KCNT2: variants seen among roughly 807,000 people sequenced by gnomAD.
The protein encoded by KCNT2 is potassium channel subfamily T member 2.
In KCNT2, 67 loss-of-function variants were observed where a neutral mutation model predicts 153.8. The ratio of observed to expected loss-of-function variants is 0.44; its 90% CI spans 0.36 to 0.53. The LOEUF is 0.53. Among genes scored for constraint, KCNT2 ranks in the 20% least tolerant of loss-of-function variants. The probability of loss-of-function intolerance (pLI) is 0.00; values close to 1 mark genes in which losing one functional copy is unlikely to be tolerated. For missense variants in KCNT2, 975 were observed against 1,354.8 expected (o/e 0.72, Z 4.40); for synonymous variants, 500 against 458.8 (o/e 1.09, Z -1.15).
chr1:196,503,167 GA>G (rs199627665), intron 1 of KCNT2, among the ~76,000 whole-genome samples: 7 of 145,734 alleles, frequency 4.8e-5, no homozygotes, highest in South Asian at 2.2e-4. Context: ...GAAAAGAAAA[GA>G]AAAAAAAAAG....
At chr1:196,467,183 G>A (rs1355725160) in intron 7 of KCNT2, among the ~76,000 whole-genome samples, 6 of 152,022 alleles carry the variant, frequency 3.9e-5, no homozygotes, top group Admixed American at 3.3e-4. Context: ...ACTGCCTTGG[G>A]AGGGAAGGAT....
Position 196,342,240 on chromosome 1 carries a change from G to A in KCNT2, c.1404-12C>T, listed in dbSNP as rs757354761. 5.4e-5 allele frequency: 86 copies of A among 1,606,066 alleles called. No homozygotes were observed. The highest frequency in any genetic ancestry group is 7.1e-5 in the Non-Finnish European group (83 of 1,175,998). ...ATTGCTGGCCTTCTCTGCAACACAGGCACACACACATACACACACACAAAA... is the reference window on the plus strand; with the variant it reads ...ATTGCTGGCCTTCTCTGCAACACAGACACACACACATACACACACACAAAA... On this transcript the variant is annotated splice_polypyrimidine_tract_variant and intron_variant, in intron 14 of 27. Coordinates refer to ENST00000294725, the MANE Select transcript of KCNT2 (RefSeq NM_198503.5).
intron 5 of KCNT2, among the ~76,000 whole-genome samples, chr1:196,470,910 C>G (rs1466587034): frequency 7.6e-6 from 1 of 130,854 alleles, no homozygotes; most frequent in East Asian, 2.2e-4. Context: ...GACAGAGTCT[C>G]GCTCTGTCAC....
intron 1 of KCNT2, among the ~76,000 whole-genome samples, chr1:196,535,869 G>A (rs1655495060): frequency 1.3e-5 from 2 of 152,208 alleles, no homozygotes; most frequent in South Asian, 4.1e-4. Context: ...GCCACACATG[G>A]CATTGGATAC....
intron 1 of KCNT2, among the ~76,000 whole-genome samples, chr1:196,542,563 A>C (rs1217223643): frequency 6.6e-6 from 1 of 152,120 alleles, no homozygotes; most frequent in Non-Finnish European, 1.5e-5. Flanking sequence ...TTCTGAGTTC[A>C]TTCACCTGCT....
At chr1:196,263,787 A>T (rs147808129) in intron 25 of KCNT2, among the ~76,000 whole-genome samples, 40 of 152,286 alleles carry the variant, frequency 2.6e-4, no homozygotes, top group African/African-American at 9.4e-4. Context: ...ATCCAACCTC[A>T]TCTACATTTT....
chr1:196,241,390 C>T (rs1003434751), intron 26 of KCNT2, among the ~76,000 whole-genome samples: 1 of 151,902 alleles, frequency 6.6e-6, no homozygotes. Flanking sequence ...AGTGCTGACT[C>T]AATTTGCTCA....
At chr1:196,589,506 T>C (rs572922961) in intron 1 of KCNT2, among the ~76,000 whole-genome samples, 1 of 152,230 alleles carries the variant, frequency 6.6e-6, no homozygotes, top group South Asian at 2.1e-4. Context: ...ATAACATTTT[T>C]CCTCATGTTT....
chr1:196,230,397 C>T lies in KCNT2; in HGVS notation c.3297-2062G>A, dbSNP rs558132326. ...TGAGACTTAACACTTAAAAAAAAGA[C>T]TTCAAAATATCACTGCCCCTTGATA... On this transcript the variant is annotated intron_variant, in intron 27 of 27. Transcript: ENST00000294725. Among the ~76,000 whole-genome samples, 56 of 152,052 alleles carry T rather than the reference C, an allele frequency of 3.7e-4. 1 individual carries two copies. The highest frequency in any genetic ancestry group is 6.3e-4 in the Non-Finnish European group (43 of 67,888).
rs941509653 is a variant in KCNT2, at chr1:196,305,363, A to G, written c.2484-18T>C. ...AAAACAACCTACATTTCAAAAGAAC[A>G]TTTGCATTACACTAACAATCCAATA... On this transcript the variant is annotated intron_variant, in intron 21 of 27. Coordinates refer to ENST00000294725, the MANE Select transcript of KCNT2 (RefSeq NM_198503.5). 7.8e-7 allele frequency: 1 copy of G among 1,288,162 alleles called. No individual in the cohort carries two copies. Among genetic ancestry groups the G allele is most frequent in the Non-Finnish European group, 1.1e-6 (1 of 884,222 alleles). The allele number at this position is 1,288,162 out of a possible 1,614,324, so 79.8% of individuals were successfully genotyped here. A position where few individuals can be genotyped will look rare whatever the true frequency, so the allele number is the denominator to read the frequency against.
chr1:196,584,638 T>C (rs914876522), intron 1 of KCNT2, among the ~76,000 whole-genome samples: 2 of 152,092 alleles, frequency 1.3e-5, no homozygotes, highest in African/African-American at 4.8e-5. Context: ...AAAAGTATAT[T>C]GTCAAACATT....
chr1:196,590,302 TG>T, intron 1 of KCNT2, among the ~76,000 whole-genome samples: 1 of 152,128 alleles, frequency 6.6e-6, no homozygotes, highest in East Asian at 1.9e-4. Flanking sequence ...TACAAAAGGC[TG>T]AGGGTAAAAA....
At chr1:196,504,265 T>C (rs1287295981) in intron 1 of KCNT2, among the ~76,000 whole-genome samples, 2 of 126,288 alleles carry the variant, frequency 1.6e-5, no homozygotes, top group Non-Finnish European at 3.2e-5. Context: ...CCCCAGAGTG[T>C]GATGTTCCCC....
chr1:196,293,142 C>A (rs575979534), intron 22 of KCNT2, among the ~76,000 whole-genome samples: 1 of 151,914 alleles, frequency 6.6e-6, no homozygotes, highest in South Asian at 2.1e-4. Context: ...AAATCTAAAG[C>A]GTTATTGTGG....
chr1:196,282,129 A>G, intron 24 of KCNT2, 144 bp downstream of exon 24: 3 of 476,732 alleles, frequency 6.3e-6, no homozygotes, highest in Non-Finnish European at 1.1e-5. Flanking sequence ...TGAAATTTTT[A>G]AAGGAATTTT....
At chr1:196,476,326 GCATGTATA>G (rs1332547109) in intron 5 of KCNT2, among the ~76,000 whole-genome samples, 2 of 152,006 alleles carry the variant, frequency 1.3e-5, no homozygotes, top group South Asian at 2.1e-4. Context: ...ATATATGTAT[GCATGTATA>G]TTAATGAACA....
chr1:196,472,116 G>A (rs1678152995), intron 5 of KCNT2, among the ~76,000 whole-genome samples: 1 of 152,026 alleles, frequency 6.6e-6, no homozygotes, highest in South Asian at 2.1e-4. Flanking sequence ...TAATCTCCTT[G>A]GCAAGCACTT....
rs556460332 is a variant in KCNT2, at chr1:196,528,573, TC to T, written c.96-36233del. Among the ~76,000 whole-genome samples, 393 of 152,304 alleles carry T rather than the reference TC, an allele frequency of 2.6e-3. 3 individuals carry two copies. The highest frequency in any genetic ancestry group is 4.6e-3 in the Admixed American group (70 of 15,288). ...ATGAAATAAATCTTTACTCATGGGT[TC>T]GTACCCATTTACTTTAGCATGGTCC... is the stretch of plus-strand genomic sequence containing the variant. On this transcript the variant is annotated intron_variant, in intron 1 of 27. Transcript: ENST00000294725.
At chr1:196,523,113 C>G (rs1445902964) in intron 1 of KCNT2, among the ~76,000 whole-genome samples, 1 of 152,148 alleles carries the variant, frequency 6.6e-6, no homozygotes, top group Non-Finnish European at 1.5e-5. Flanking sequence ...CTCCTGAAGT[C>G]AGCAAGACCA....
Sources: gnomAD v4.1 joint callset for allele counts (sites outside exome capture counted in the v4.1 genomes callset) on GRCh38, gnomAD v4.1.1 for gene constraint, MANE v1.5 for transcripts, NCBI Gene and HGNC (gene_info 2026-07-23, HGNC 2026-07-21) for gene names.